TSBP1: variants seen among roughly 807,000 people sequenced by gnomAD.
TSBP1 encodes testis expressed basic protein 1, also known as testis-expressed basic protein 1.
In TSBP1, 56 loss-of-function variants were observed where a neutral mutation model predicts 68.8. The ratio of observed to expected loss-of-function variants is 0.81; its 90% CI spans 0.66 to 1.02. The LOEUF (loss-of-function observed/expected upper bound fraction) is 1.02, where lower values mean the gene tolerates loss of function less well. Among genes scored for constraint, TSBP1 ranks in the 50% least tolerant of loss-of-function variants. The probability of loss-of-function intolerance (pLI) is 0.00; values close to 1 mark genes in which losing one functional copy is unlikely to be tolerated. For missense variants in TSBP1, 502 were observed against 641.2 expected, an observed-to-expected ratio of 0.78 and a Z score of 2.34; for synonymous variants, 171 against 208.7, an observed-to-expected ratio of 0.82 and a Z score of 1.56.
Position 32,371,206 on chromosome 6 carries a change from C to G in TSBP1, c.13+488G>C, listed in dbSNP as rs574519148. Among the ~76,000 whole-genome samples, 63 of 152,032 alleles carry G rather than the reference C, an allele frequency of 4.1e-4. 1 individual carries two copies. The South Asian group carries it at 0.011, about 26-fold the overall frequency. On this transcript the variant is annotated intron_variant, in intron 1 of 22. Coordinates refer to ENST00000612031, the Ensembl canonical transcript of TSBP1. ...TTTTTTTTTCTAGTGTTAAATAACT[C>G]ATCGGGGAGGAAAGGATAACTAGAT...
rs528413313 is a variant in TSBP1 at position 32,316,824 on chromosome 6, C to T, written c.560-1032G>A. ...TTAGAAATGAGTAGGGTAGGCCAGG[C>T]GCCTTGGCTCACACCTGTAATCCCA... On this transcript the variant is annotated intron_variant, in intron 18 of 22. Coordinates refer to ENST00000612031, the Ensembl canonical transcript of TSBP1. The surrounding 1 kb of genome is among the most constrained non-coding windows in gnomAD (Gnocchi z 4.5). Among the ~76,000 whole-genome samples the T allele has an allele frequency of 9.2e-5, 14 of 152,088 alleles. No homozygotes were observed. The South Asian group carries it at 1.7e-3, about 18-fold the overall frequency.
At chr6:32,370,533 C>G (rs1164373505) in intron 1 of TSBP1, among the ~76,000 whole-genome samples, 1 of 151,136 alleles carries the variant, frequency 6.6e-6, no homozygotes, top group Non-Finnish European at 1.5e-5. Context: ...ACTTTCAGCA[C>G]CTTGACTGAA....
chr6:32,356,408 T>C (rs1772336744), intron 6 of TSBP1, among the ~76,000 whole-genome samples: 1 of 152,182 alleles, frequency 6.6e-6, no homozygotes, highest in Non-Finnish European at 1.5e-5. Flanking sequence ...TTTATAATAA[T>C]GTTTCTTGTT....
At chr6:32,311,967 C>A (rs1225328085) in intron 19 of TSBP1, among the ~76,000 whole-genome samples, 2 of 152,134 alleles carry the variant, frequency 1.3e-5, no homozygotes, top group African/African-American at 4.8e-5. Flanking sequence ...CAAAATACAT[C>A]CTGGCTTGAG....
chr6:32,363,601 A>G (rs1250299984), intron 6 of TSBP1, among the ~76,000 whole-genome samples: 2 of 151,510 alleles, frequency 1.3e-5, no homozygotes, highest in African/African-American at 2.4e-5. Flanking sequence ...AGCTAATAAT[A>G]ACTTAGATTA....
At chr6:32,362,115 C>T (rs1320538423) in intron 6 of TSBP1, among the ~76,000 whole-genome samples, 1 of 151,892 alleles carries the variant, frequency 6.6e-6, no homozygotes, top group Non-Finnish European at 1.5e-5. Context: ...ACGGTGAAAC[C>T]CTGTCTCTAC....
chr6:32,325,690 C>T lies in TSBP1; in HGVS notation c.515-2076G>A, dbSNP rs142845961. ...TTGTAACCTTTGATGACCATGACTC[C>T]GTGGATAAGACTGTCATTCAGAAAT... is the stretch of plus-strand genomic sequence containing the variant. On this transcript the variant is annotated intron_variant, in intron 16 of 22. Coordinates refer to ENST00000612031, the Ensembl canonical transcript of TSBP1. The surrounding 1 kb of genome is among the most constrained non-coding windows in gnomAD (Gnocchi z 4.4). The T allele has an allele frequency of 8.8e-5, 93 of 1,061,024 alleles. No homozygotes were observed. In the African/African-American group the frequency reaches 1.3e-3, roughly 15 times the overall value. The allele number at this position is 1,061,024 out of a possible 1,614,324, so 65.7% of individuals were successfully genotyped here.
rs1333592408 is a variant in TSBP1 at position 32,338,161 on chromosome 6, G to A, written c.409+818C>T. ...ATTCATCTTTTTATTTCCTCTCTCA[G>A]GGCAGAGAATTAAAATCCTGTAGAG... On this transcript the variant is annotated intron_variant, in intron 11 of 22. Transcript: ENST00000612031. This position sits in a 1 kb window ranked among gnomAD's most constrained non-coding sequence, Gnocchi z 5.5. 6.6e-6 allele frequency among the ~76,000 whole-genome samples: 1 copy of A among 152,092 alleles called. No individual in the cohort carries two copies. Among genetic ancestry groups the A allele is most frequent in the Non-Finnish European group, 1.5e-5 (1 of 68,018 alleles).
chr6:32,358,093 C>T (rs1238320870), intron 6 of TSBP1, among the ~76,000 whole-genome samples: 1 of 152,072 alleles, frequency 6.6e-6, no homozygotes, highest in Non-Finnish European at 1.5e-5. Flanking sequence ...TGTAGATATT[C>T]AATATTAATA....
intron 7 of TSBP1, 141 bp from the exon 8 acceptor site, chr6:32,355,285 G>A (rs1372297709): frequency 7.5e-6 from 6 of 798,820 alleles, no homozygotes; most frequent in African/African-American, 1.8e-5. Flanking sequence ...CTGGTGATGG[G>A]TACTGACAGC....
Position 32,343,818 on chromosome 6 carries a change from A to C in TSBP1, c.350-4180T>G, listed in dbSNP as rs1180116304. ...CATTTTTTTCTTTAACGTACTGACC[A>C]TCTTCCCTCTCCAACATTTTGTTTC... On this transcript the variant is annotated intron_variant, in intron 9 of 22. Coordinates refer to ENST00000612031, the Ensembl canonical transcript of TSBP1. The surrounding 1 kb of genome is among the most constrained non-coding windows in gnomAD (Gnocchi z 4.3). Among the ~76,000 whole-genome samples, 1 of 152,092 alleles carries C rather than the reference A, an allele frequency of 6.6e-6. No homozygotes were observed. Among genetic ancestry groups the C allele is most frequent in the Non-Finnish European group, 1.5e-5 (1 of 68,010 alleles).
At chr6:32,318,599 T>C (rs943781627) in intron 18 of TSBP1, among the ~76,000 whole-genome samples, 4 of 152,236 alleles carry the variant, frequency 2.6e-5, no homozygotes, top group Admixed American at 2.6e-4. Flanking sequence ...TATTACCATG[T>C]GGATGAACCT....
At chr6:32,308,915 A>G (rs1481442378) in intron 19 of TSBP1, among the ~76,000 whole-genome samples, 1 of 147,484 alleles carries the variant, frequency 6.8e-6, no homozygotes, top group African/African-American at 2.5e-5. Flanking sequence ...GCACACTAAT[A>G]TATTTCTCCT....
chr6:32,319,332 C>T (rs1767341247), intron 18 of TSBP1, among the ~76,000 whole-genome samples: 1 of 105,722 alleles, frequency 9.5e-6, no homozygotes, highest in Admixed American at 1.2e-4. Context: ...CCTTGCCACA[C>T]TCACCTTTAG....
At position 32,325,140 on chromosome 6, in the gene TSBP1, A is replaced by C. The variant is rs9501178; in HGVS notation, c.515-1526T>G. The stretch of plus-strand genomic sequence containing the variant: ...GAGTCAGTGAATGTTCTAGAAACTT[A>C]TTAATAATTTATTTATGCCTTTCTG... On this transcript the variant is annotated intron_variant, in intron 16 of 22. Transcript: ENST00000612031. This position sits in a 1 kb window ranked among gnomAD's most constrained non-coding sequence, Gnocchi z 4.4. 32,430 of 483,742 alleles carry C rather than the reference A, an allele frequency of 0.067. 1,625 individuals carry two copies. Among genetic ancestry groups the C allele is most frequent in the East Asian group, 0.19 (6,192 of 32,342 alleles). 30.0% of individuals were successfully genotyped at this position (483,742 alleles called of 1,614,324 possible).
chr6:32,295,861 T>G (rs1445167861), intron 22 of TSBP1, among the ~76,000 whole-genome samples: 2 of 131,574 alleles, frequency 1.5e-5, no homozygotes, highest in Non-Finnish European at 3.2e-5. Flanking sequence ...TTTTTTTTTT[T>G]GAGATGGAGT....
intron 9 of TSBP1, among the ~76,000 whole-genome samples, chr6:32,346,015 T>TATTATCATAATGC (rs1196227316): frequency 0.033 from 321 of 9,712 alleles, 99 homozygotes; most frequent in Middle Eastern, 0.22. Context: ...TTTTTTTTTT[T>TATTATCATAATGC]TTTTTTTTTT....
rs900511118 is a variant in TSBP1 at position 32,314,264 on chromosome 6, T to G, written c.580+1508A>C. Among the ~76,000 whole-genome samples the G allele has an allele frequency of 4.6e-5, 7 of 152,200 alleles. No individual in the cohort carries two copies. The highest frequency in any genetic ancestry group is 1.7e-4 in the African/African-American group (7 of 41,444). ...TAAACCCTAGTTACTTTGGCATTCC[T>G]TTTTTCTTTCTCCCTACCCCTCGGG... On this transcript the variant is annotated intron_variant, in intron 19 of 22. Coordinates refer to ENST00000612031, the Ensembl canonical transcript of TSBP1. This position sits in a 1 kb window ranked among gnomAD's most constrained non-coding sequence, Gnocchi z 4.2.
intron 19 of TSBP1, among the ~76,000 whole-genome samples, chr6:32,308,860 C>T (rs1013062507): frequency 6.6e-6 from 1 of 151,648 alleles, no homozygotes; most frequent in African/African-American, 2.4e-5. Context: ...TTAGCCTTGT[C>T]TCTAAGGTTT....
Sources: allele counts gnomAD v4.1 joint callset (sites outside exome capture counted in the v4.1 genomes callset), GRCh38; gene constraint gnomAD v4.1.1; non-coding constraint Gnocchi (gnomAD v3.1); transcripts MANE v1.5; gene names NCBI Gene and HGNC (gene_info 2026-07-23, HGNC 2026-07-21).